The following GABRA3 variants were observed in gnomAD, a reference collection of about 807,000 sequenced individuals.
The protein encoded by GABRA3 is gamma-aminobutyric acid type A receptor subunit alpha3.
A neutral mutation model predicts 30.1 loss-of-function variants in GABRA3; 10 were observed. The observed-to-expected ratio is 0.33, with a 90% CI of 0.20 to 0.56. The LOEUF (loss-of-function observed/expected upper bound fraction) is 0.56, where lower values mean the gene tolerates loss of function less well. Ranked by LOEUF, GABRA3 falls within the 20% of genes least tolerant of loss-of-function variation. The pLI, the probability that GABRA3 is intolerant of heterozygous loss-of-function variation, is 0.89. For synonymous variants in GABRA3, 151 were observed against 146.8 expected (o/e 1.03, Z -0.21); for missense variants, 233 against 392.0 (o/e 0.59, Z 3.42).
chrX:152,430,033 AAGG>A (rs1352227579), intron 1 of GABRA3, among the ~76,000 whole-genome samples: 1 of 112,231 alleles, frequency 8.9e-6, no homozygotes, highest in African/African-American at 3.2e-5. Context: ...CCATTATTTG[AAGG>A]AGAATTTATT....
intron 2 of GABRA3, among the ~76,000 whole-genome samples, chrX:152,361,086 G>A (rs1174703539): frequency 4.3e-5 from 4 of 92,068 alleles, no homozygotes; most frequent in African/African-American, 1.7e-4. Context: ...GTAAGACCAC[G>A]TCTTTAAAAA....
intron 3 of GABRA3, among the ~76,000 whole-genome samples, chrX:152,299,689 G>T (rs1267803712): frequency 9.0e-6 from 1 of 111,705 alleles, no homozygotes; most frequent in Non-Finnish European, 1.9e-5. Context: ...GTGCACTATA[G>T]TCTTTCTCTC....
rs182031982 is a variant in GABRA3, at chrX:152,206,369, C to T, written c.778+1632G>A. Among the ~76,000 whole-genome samples, 5 of 111,808 alleles carry T rather than the reference C, an allele frequency of 4.5e-5. No individual in the cohort carries two copies. In the East Asian group the frequency reaches 1.4e-3, roughly 32 times the overall value. On this transcript the variant is annotated intron_variant, in intron 7 of 9. Transcript: ENST00000370314. ...GGTGGCACCTCTTGAAGCAGGAGGC[C>T]GGCTTCTCTGCTCACACATGTAAGG...
chrX:152,182,326 C>T, intron 9 of GABRA3, among the ~76,000 whole-genome samples: 1 of 100,361 alleles, frequency 1.0e-5, no homozygotes, highest in Non-Finnish European at 2.0e-5. Flanking sequence ...CACACACACA[C>T]ACACACACAC....
At chrX:152,446,817 C>T (rs1355519904) in intron 1 of GABRA3, among the ~76,000 whole-genome samples, 1 of 111,941 alleles carries the variant, frequency 8.9e-6, no homozygotes, top group Non-Finnish European at 1.9e-5. Flanking sequence ...ATCTCCTTTG[C>T]ATATAAAGTC....
At chrX:152,277,230 A>G (rs1224936799) in intron 4 of GABRA3, among the ~76,000 whole-genome samples, 8 of 109,389 alleles carry the variant, frequency 7.3e-5, no homozygotes, top group African/African-American at 2.7e-4. Context: ...CCACCAGGAA[A>G]GAGATCCCTG....
Position 152,321,469 on chromosome X carries a change from T to C in GABRA3, c.262+24112A>G, listed in dbSNP as rs369497330. Among the ~76,000 whole-genome samples the C allele has an allele frequency of 7.2e-5, 8 of 111,802 alleles. No individual in the cohort carries two copies. In the South Asian group the frequency reaches 1.9e-3, roughly 26 times the overall value. On this transcript the variant is annotated intron_variant, in intron 3 of 9. Transcript: ENST00000370314. ...GCATCAAAATATGAGCACCACTGTATTGAAGTCTCATGGGCATCATTGTGA... is the reference window on the plus strand; with the variant it reads ...GCATCAAAATATGAGCACCACTGTACTGAAGTCTCATGGGCATCATTGTGA...
rs562459618 is a variant in GABRA3, at chrX:152,424,580, A to C, written c.-27+26566T>G. ...TGGCTTCAAGAGTAATCTTAAAAAT[A>C]ATGAAAATTATTAGCATAGGCAAAA... On this transcript the variant is annotated intron_variant, in intron 1 of 9. Coordinates refer to ENST00000370314, the MANE Select transcript of GABRA3 (RefSeq NM_000808.4). Among the ~76,000 whole-genome samples, 19 of 111,491 alleles carry C rather than the reference A, an allele frequency of 1.7e-4. No individual in the cohort carries two copies. In the South Asian group the frequency reaches 7.1e-3, roughly 42 times the overall value.
chrX:152,343,679 C>T (rs370999126), intron 3 of GABRA3, among the ~76,000 whole-genome samples: 1 of 111,515 alleles, frequency 9.0e-6, no homozygotes, highest in East Asian at 2.8e-4. Context: ...TCCTTCAATA[C>T]CGCTCTACTC....
intron 9 of GABRA3, among the ~76,000 whole-genome samples, chrX:152,181,850 A>G (rs1937153660): frequency 9.0e-6 from 1 of 111,127 alleles, no homozygotes; most frequent in South Asian, 3.8e-4. Context: ...AGATCAGGCC[A>G]TCCATATGCA....
intron 3 of GABRA3, among the ~76,000 whole-genome samples, chrX:152,305,844 G>A (rs147341321): frequency 4.0e-3 from 448 of 111,195 alleles, no homozygotes; most frequent in Middle Eastern, 9.4e-3. Context: ...AACAGAACAG[G>A]ATACCCAGAA....
chrX:152,335,425 GGA>G (rs1174942242), intron 3 of GABRA3, among the ~76,000 whole-genome samples: 1 of 111,357 alleles, frequency 9.0e-6, no homozygotes, highest in East Asian at 2.8e-4. Flanking sequence ...CAAAAACAAG[GGA>G]GACTGTAGTG....
intron 1 of GABRA3, chrX:152,394,589 G>A (rs766540610): frequency 8.9e-6 from 3 of 337,759 alleles, no homozygotes; most frequent in African/African-American, 2.6e-5. Context: ...AAGACATGGT[G>A]TAGAAATTAA....
intron 2 of GABRA3, among the ~76,000 whole-genome samples, chrX:152,348,714 G>A (rs73639081): frequency 0.12 from 13,528 of 111,730 alleles, 666 homozygotes; most frequent in African/African-American, 0.17. Context: ...TCCCGTGCAT[G>A]TAAAAGTTAT....
intron 4 of GABRA3, among the ~76,000 whole-genome samples, chrX:152,275,248 T>C (rs1390989735): frequency 1.5e-5 from 1 of 67,364 alleles, no homozygotes; most frequent in Non-Finnish European, 2.5e-5. Context: ...TTTTATTATA[T>C]ATAATAAAAT....
intron 3 of GABRA3, among the ~76,000 whole-genome samples, chrX:152,334,581 T>G (rs750068459): frequency 1.0e-3 from 112 of 111,193 alleles, no homozygotes; most frequent in African/African-American, 3.5e-3. Context: ...CTGTGAAGAA[T>G]GGGGTCTGGC....
At chrX:152,361,105 A>AAAAG (rs1556786036) in intron 2 of GABRA3, among the ~76,000 whole-genome samples, 22 of 107,686 alleles carry the variant, frequency 2.0e-4, no homozygotes, top group South Asian at 1.2e-3. Context: ...AAAAAAAAAA[A>AAAAG]AAAGAAAGAA....
At chrX:152,440,913 T>C (rs1930910785) in intron 1 of GABRA3, among the ~76,000 whole-genome samples, 1 of 110,012 alleles carries the variant, frequency 9.1e-6, no homozygotes, top group African/African-American at 3.3e-5. Flanking sequence ...ACCTAATGTA[T>C]GTGACAGGTT....
intron 2 of GABRA3, among the ~76,000 whole-genome samples, chrX:152,350,259 G>A (rs1157047114): frequency 2.1e-5 from 2 of 96,903 alleles, no homozygotes; most frequent in East Asian, 3.4e-4. Context: ...TGAAACCAAC[G>A]AGAACAAAGA....
Sources: gnomAD v4.1 joint callset for allele counts (sites outside exome capture counted in the v4.1 genomes callset) on GRCh38, gnomAD v4.1.1 for gene constraint, MANE v1.5 for transcripts, NCBI Gene and HGNC (gene_info 2026-07-23, HGNC 2026-07-21) for gene names.